Variants in SLC9A2 observed in about 807,000 individuals in gnomAD.
The protein encoded by SLC9A2 is sodium/hydrogen exchanger 2.
Under a neutral mutation model 71.7 loss-of-function variants are expected in SLC9A2, and 42 were observed. The ratio of observed to expected loss-of-function variants is 0.59; its 90% CI spans 0.46 to 0.76. The LOEUF (loss-of-function observed/expected upper bound fraction) is 0.76. Among genes scored for constraint, SLC9A2 ranks in the 30% least tolerant of loss-of-function variants. The pLI, the probability that SLC9A2 is intolerant of heterozygous loss-of-function variation, is 0.00. For missense variants in SLC9A2, 829 were observed against 1,017.4 expected (o/e 0.81, Z 2.52); for synonymous variants, 396 against 392.5 (o/e 1.01, Z -0.10).
chr2:102,691,963 T>C (rs1353368234), intron 5 of SLC9A2, among the ~76,000 whole-genome samples: 3 of 152,250 alleles, frequency 2.0e-5, no homozygotes, highest in Non-Finnish European at 4.4e-5. Context: ...CAGCAGCTTG[T>C]GTCTTTAGAA....
At chr2:102,663,512 AGT>A (rs759492204) in intron 2 of SLC9A2, among the ~76,000 whole-genome samples, 50 of 152,238 alleles carry the variant, frequency 3.3e-4, no homozygotes, top group Admixed American at 5.2e-4. Flanking sequence ...TGAAGTAAAA[AGT>A]GAGATGGCAT....
chr2:102,639,516 A>G (rs1286247618), intron 1 of SLC9A2, among the ~76,000 whole-genome samples: 1 of 152,220 alleles, frequency 6.6e-6, no homozygotes, highest in Non-Finnish European at 1.5e-5. Context: ...GCAGAGATCC[A>G]TTTAGCAGCA....
At chr2:102,671,066 T>C (rs1677241558) in intron 3 of SLC9A2, among the ~76,000 whole-genome samples, 2 of 152,316 alleles carry the variant, frequency 1.3e-5, no homozygotes, top group East Asian at 1.9e-4. Flanking sequence ...TGACGCATCA[T>C]GTTTATAAAA....
At chr2:102,667,064 A>G (rs1341702433) in intron 3 of SLC9A2, among the ~76,000 whole-genome samples, 1 of 152,224 alleles carries the variant, frequency 6.6e-6, no homozygotes, top group African/African-American at 2.4e-5. Flanking sequence ...ACACAAAGAG[A>G]GTGGAAGCTG....
chr2:102,642,428 C>T (rs1209472017), intron 1 of SLC9A2, among the ~76,000 whole-genome samples: 3 of 125,080 alleles, frequency 2.4e-5, no homozygotes, highest in African/African-American at 6.1e-5. Context: ...TTGATATAAT[C>T]GTGTGGTTTT....
intron 7 of SLC9A2, among the ~76,000 whole-genome samples, chr2:102,700,842 T>TATACATACACATACATATACATACGC: frequency 6.6e-6 from 1 of 152,080 alleles, no homozygotes; most frequent in Non-Finnish European, 1.5e-5. Flanking sequence ...TATACATATG[T>TATACATACACATACATATACATACGC]ATACATACAC....
chr2:102,696,201 C>A (rs574464766), intron 7 of SLC9A2, among the ~76,000 whole-genome samples: 1 of 152,184 alleles, frequency 6.6e-6, no homozygotes, highest in South Asian at 2.1e-4. Context: ...ATGGAACTGA[C>A]AAATGCTACA....
rs1158232463 is a variant in SLC9A2, at chr2:102,659,367, T to C, written c.753+1340T>C. 2.6e-5 allele frequency among the ~76,000 whole-genome samples: 4 copies of C among 151,766 alleles called. No homozygotes were observed. The East Asian group carries it at 7.7e-4, about 29-fold the overall frequency. On this transcript the variant is annotated intron_variant, in intron 2 of 11. Coordinates refer to ENST00000233969, the MANE Select transcript of SLC9A2 (RefSeq NM_003048.6). ...GAAGTGAGAGGATCGCTTGGGCCAG[T>C]GAGGCGGAGGTTGCAATGAGCCAAG...
intron 2 of SLC9A2, 71 bp downstream of exon 2, chr2:102,658,098 C>G: frequency 8.5e-7 from 1 of 1,179,794 alleles, no homozygotes; most frequent in Non-Finnish European, 1.2e-6. Context: ...GCTCTCTGCA[C>G]CTCAACTGGC....
intron 7 of SLC9A2, among the ~76,000 whole-genome samples, chr2:102,698,626 C>A (rs17833184): frequency 0.2 from 30,158 of 152,148 alleles, 3,823 homozygotes; most frequent in Middle Eastern, 0.3. Context: ...CTAGATCTAT[C>A]TGGTGTGATT....
chr2:102,689,215 TCTGCCCATGTCATGGG>T (rs1443637966), intron 5 of SLC9A2, among the ~76,000 whole-genome samples: 1 of 152,188 alleles, frequency 6.6e-6, no homozygotes. Context: ...GCGATGGATG[TCTGCCCATGTCATGGG>T]CTGTATTGCA....
At chr2:102,707,182 C>G (rs12990389) in intron 11 of SLC9A2, among the ~76,000 whole-genome samples, 116,247 of 151,992 alleles carry the variant, frequency 0.76, 44,448 homozygotes, top group Admixed American at 0.79. Context: ...GGGATTATTA[C>G]AAGCCCAAAC....
chr2:102,657,691 T>A lies in SLC9A2; in HGVS notation c.417T>A (p.Asp139Glu), dbSNP rs756529995. 6.2e-7 allele frequency: 1 copy of A among 1,614,176 alleles called. No homozygotes were observed. Among genetic ancestry groups the A allele is most frequent in the Non-Finnish European group, 8.5e-7 (1 of 1,180,018 alleles). Residue 139 changes from aspartate to glutamate, a missense_variant, in exon 2 of 12, where the codon GAT becomes GAA. Physicochemically the swap from Asp to Glu is conservative, Grantham distance 45. Around this residue, in one of 3 missense-constraint regions of SLC9A2, gnomAD observed 500 missense variants for 726.3 expected, o/e 0.69. Coordinates refer to ENST00000233969, the MANE Select transcript of SLC9A2 (RefSeq NM_003048.6). ...AGTCTCCCCCTGCAATGAAGACTGA[T>A]GTATTTTTCTTGTACCTCCTCCCAC... ...DEKSPPAMKT[D>E]VFFLYLLPPI...
At chr2:102,675,582 G>T (rs150491709) in intron 3 of SLC9A2, among the ~76,000 whole-genome samples, 1 of 152,156 alleles carries the variant, frequency 6.6e-6, no homozygotes, top group East Asian at 1.9e-4. Context: ...AGGAAATGCC[G>T]CTGTCAGCAG....
intron 3 of SLC9A2, among the ~76,000 whole-genome samples, chr2:102,678,970 T>A (rs958052848): frequency 6.6e-6 from 1 of 152,194 alleles, no homozygotes; most frequent in Non-Finnish European, 1.5e-5. Flanking sequence ...GTGGTTTGAC[T>A]TCAGGTCAGA....
intron 4 of SLC9A2, 51 bp downstream of exon 4, chr2:102,683,529 A>G (rs761343835): frequency 4.3e-6 from 6 of 1,382,480 alleles, no homozygotes; most frequent in Non-Finnish European, 6.1e-6. Flanking sequence ...CACTAATTGA[A>G]TGGGGCTTTC....
chr2:102,690,203 G>A (rs1307149182), intron 5 of SLC9A2, among the ~76,000 whole-genome samples: 1 of 152,214 alleles, frequency 6.6e-6, no homozygotes, highest in Non-Finnish European at 1.5e-5. Context: ...CGAAACATCA[G>A]AAGGGGTTAC....
rs112739640 is a variant in SLC9A2, at chr2:102,670,596, C to T, written c.1004+5246C>T. ...GTTTATGTGCAATATCCCCTCCCCC[C>T]ACCAAAAAAAAAAAAAAAAAAAAAA... On this transcript the variant is annotated intron_variant, in intron 3 of 11. Coordinates refer to ENST00000233969, the MANE Select transcript of SLC9A2 (RefSeq NM_003048.6). Among the ~76,000 whole-genome samples, 5 of 117,200 alleles carry T rather than the reference C, an allele frequency of 4.3e-5. No individual in the cohort carries two copies. The South Asian group carries it at 1.2e-3, about 28-fold the overall frequency. 76.9% of individuals were successfully genotyped at this position (117,200 alleles called of 152,430 possible).
chr2:102,658,042 C>A lies in SLC9A2; in HGVS notation c.753+15C>A. 6.4e-7 allele frequency: 1 copy of A among 1,565,426 alleles called. No individual in the cohort carries two copies. ...CAGTAACAGTGGTGAGTCACATTCA[C>A]ACTGCATGACTCCAACAGGTGGGGG... On this transcript the variant is annotated intron_variant, in intron 2 of 11. Coordinates refer to ENST00000233969, the MANE Select transcript of SLC9A2 (RefSeq NM_003048.6).
Sources: gnomAD v4.1 joint callset for allele counts (sites outside exome capture counted in the v4.1 genomes callset) on GRCh38, gnomAD v4.1.1 for gene constraint, gnomAD v4.1.1 regional missense constraint, MANE v1.5 for transcripts, NCBI Gene and HGNC (gene_info 2026-07-23, HGNC 2026-07-21) for gene names.